Variants in IL17RD observed in about 807,000 individuals in gnomAD.
IL17RD encodes the protein interleukin 17 receptor D, also known as interleukin-17 receptor D.
Under a neutral mutation model 80.5 loss-of-function variants are expected in IL17RD, and 52 were observed. That is an observed-to-expected ratio of 0.65 (90% confidence interval 0.52 to 0.81). IL17RD has a LOEUF of 0.81. Among genes scored for constraint, IL17RD ranks in the 40% least tolerant of loss-of-function variants. IL17RD has a pLI of 0.00. For missense variants in IL17RD, 1,024 were observed against 955.1 expected (o/e 1.07, Z -0.95); for synonymous variants, 416 against 391.8 (o/e 1.06, Z -0.73).
chr3:57,138,744 T>C (rs1707775290), intron 1 of IL17RD, among the ~76,000 whole-genome samples: 1 of 151,928 alleles, frequency 6.6e-6, no homozygotes, highest in Non-Finnish European at 1.5e-5. Flanking sequence ...GAGACCAGCC[T>C]GACCAACATG....
In IL17RD at chr3:57,155,792, T is replaced by C. The variant is rs140006272; in HGVS notation, c.126+9369A>G. Among the ~76,000 whole-genome samples, 655 of 152,320 alleles carry C rather than the reference T, an allele frequency of 4.3e-3. 3 individuals are homozygous for C. The highest frequency in any genetic ancestry group is 0.014 in the African/African-American group (601 of 41,568). On this transcript the variant is annotated intron_variant, in intron 1 of 12. Coordinates refer to ENST00000296318, the MANE Select transcript of IL17RD (RefSeq NM_017563.5). Reference sequence around the variant, plus strand: ...TTTTAGTAGAGACAGGGTTTCACCATGTTGGCCAGGCTGGTCTTGAACTCC... The same window carrying C: ...TTTTAGTAGAGACAGGGTTTCACCACGTTGGCCAGGCTGGTCTTGAACTCC...
At position 57,095,175 on chromosome 3, in the gene IL17RD, G is replaced by A. The variant is rs1187476995; in HGVS notation, c.*1218C>T. 6.6e-6 allele frequency: 1 copy of A among 152,214 alleles called. No homozygotes were observed. Among genetic ancestry groups the A allele is most frequent in the Non-Finnish European group, 1.5e-5 (1 of 68,030 alleles). The allele number at this position is 152,214 out of a possible 1,614,324, so 9.4% of individuals were successfully genotyped here. ...AAAATCTAACAGCACCCATGAGAAA[G>A]GTAGTGAGAGATGTACACACCTGCT... On this transcript the variant is annotated 3_prime_UTR_variant, in exon 13 of 13. Coordinates refer to ENST00000296318, the MANE Select transcript of IL17RD (RefSeq NM_017563.5).
At chr3:57,147,791 C>T (rs1276104587) in intron 1 of IL17RD, among the ~76,000 whole-genome samples, 2 of 152,000 alleles carry the variant, frequency 1.3e-5, no homozygotes, top group Non-Finnish European at 2.9e-5. Flanking sequence ...TAAAAAATAA[C>T]CATAAATAAA....
At chr3:57,098,581 G>A in intron 11 of IL17RD, 43 bp from the exon 12 acceptor site, 2 of 1,355,078 alleles carry the variant, frequency 1.5e-6, no homozygotes, top group Non-Finnish European at 2.0e-6. Context: ...GAAGGCTCGG[G>A]AAGAGGCTCG....
chr3:57,157,738 G>T (rs2060278116), intron 1 of IL17RD, among the ~76,000 whole-genome samples: 1 of 152,160 alleles, frequency 6.6e-6, no homozygotes, highest in African/African-American at 2.4e-5. Flanking sequence ...AAATCACCCG[G>T]ACAGAATAAA....
chr3:57,116,069 G>A (rs1011231428), intron 2 of IL17RD, among the ~76,000 whole-genome samples: 1 of 152,072 alleles, frequency 6.6e-6, no homozygotes, highest in African/African-American at 2.4e-5. Context: ...ACCCTTCCAA[G>A]CCTTGTTTTA....
rs1473869488 is a variant in IL17RD, at chr3:57,134,607, C to G, written c.127-14294G>C. 11 of 980,776 alleles carry G rather than the reference C, an allele frequency of 1.1e-5. No homozygotes were observed. The East Asian group carries it at 2.4e-4, about 22-fold the overall frequency. The allele number at this position is 980,776 out of a possible 1,614,324, so 60.8% of individuals were successfully genotyped here. On this transcript the variant is annotated intron_variant, in intron 1 of 12. Coordinates refer to ENST00000296318, the MANE Select transcript of IL17RD (RefSeq NM_017563.5). ...GGCCCACAAGAAGCTGCAGGCTGAC[C>G]AGGCTAAGGCCCGCAGGTCTAAGAC... is the stretch of plus-strand genomic sequence containing the variant.
intron 1 of IL17RD, among the ~76,000 whole-genome samples, chr3:57,145,810 G>T (rs142944428): frequency 6.6e-6 from 1 of 152,210 alleles, no homozygotes; most frequent in East Asian, 1.9e-4. Context: ...CAGCCTTATG[G>T]GTCACCTGCC....
chr3:57,115,991 A>G (rs535312747), intron 2 of IL17RD, among the ~76,000 whole-genome samples: 4 of 152,322 alleles, frequency 2.6e-5, no homozygotes, highest in South Asian at 2.1e-4. Flanking sequence ...ACAAAAGACT[A>G]TAAGAAAAAT....
At chr3:57,103,896 G>T (rs891235063) in intron 8 of IL17RD, among the ~76,000 whole-genome samples, 2 of 151,874 alleles carry the variant, frequency 1.3e-5, no homozygotes, top group Non-Finnish European at 2.9e-5. Context: ...GAAGAGACGG[G>T]GTTTCACTGA....
chr3:57,164,764 C>T (rs1052649893), intron 1 of IL17RD, among the ~76,000 whole-genome samples: 16 of 152,170 alleles, frequency 1.1e-4, no homozygotes, highest in African/African-American at 3.6e-4. Context: ...CTTCCCTCTC[C>T]AAAGCGCAAC....
chr3:57,120,786 G>T (rs887162238), intron 1 of IL17RD, among the ~76,000 whole-genome samples: 1 of 152,126 alleles, frequency 6.6e-6, no homozygotes, highest in African/African-American at 2.4e-5. Context: ...TCAAGACTGG[G>T]AATGAGTATG....
In IL17RD at chr3:57,134,286, A is replaced by G. The variant is rs1346327831; in HGVS notation, c.127-13973T>C. On this transcript the variant is annotated intron_variant, in intron 1 of 12. Transcript: ENST00000296318. ...GAAGCTGATCAAAGATGGGCTGATC[A>G]TCTACAAACCTGTGACTTTCCATTC... 2.3e-5 allele frequency: 16 copies of G among 682,124 alleles called. No individual in the cohort carries two copies. The East Asian group carries it at 2.8e-4, about 12-fold the overall frequency. 42.3% of individuals were successfully genotyped at this position (682,124 alleles called of 1,614,324 possible). A position where few individuals can be genotyped will look rare whatever the true frequency, so the allele number is the denominator to read the frequency against.
intron 1 of IL17RD, among the ~76,000 whole-genome samples, chr3:57,162,517 G>A (rs2060312156): frequency 6.6e-6 from 1 of 152,162 alleles, no homozygotes; most frequent in Non-Finnish European, 1.5e-5. Context: ...CTGACTCCCT[G>A]ACAGAGCAAC....
intron 1 of IL17RD, among the ~76,000 whole-genome samples, chr3:57,124,558 G>A (rs73089799): frequency 0.095 from 14,440 of 152,166 alleles, 950 homozygotes; most frequent in South Asian, 0.14. Flanking sequence ...GAAAGCAGGC[G>A]GCCTCTGGAG....
chr3:57,146,036 C>CAT (rs61094060), intron 1 of IL17RD, among the ~76,000 whole-genome samples: 1 of 138,176 alleles, frequency 7.2e-6, no homozygotes, highest in Admixed American at 7.3e-5. Context: ...CACTCACGCG[C>CAT]GCGCGCGCGC....
At chr3:57,141,946 T>A (rs1707836697) in intron 1 of IL17RD, among the ~76,000 whole-genome samples, 1 of 152,052 alleles carries the variant, frequency 6.6e-6, no homozygotes, top group Non-Finnish European at 1.5e-5. Context: ...GGGCACTGCA[T>A]GGTAGAGGAA....
At chr3:57,134,346 TG>T in intron 1 of IL17RD, 2 of 693,250 alleles carry the variant, frequency 2.9e-6, no homozygotes, top group Non-Finnish European at 5.4e-6. Flanking sequence ...CTTGGCCCGC[TG>T]GAAGGGCAGG....
In IL17RD at chr3:57,134,705, G is replaced by A. The variant is rs907537083; in HGVS notation, c.127-14392C>T. ...AGATCATCAAGACTTTGTCTAAGGA[G>A]GAAGAGACCGAGAAGTGAAAGCTCC... On this transcript the variant is annotated intron_variant, in intron 1 of 12. Transcript: ENST00000296318. 8.7e-5 allele frequency: 60 copies of A among 688,474 alleles called. No homozygotes were observed. In the East Asian group the frequency reaches 1.7e-3, roughly 19 times the overall value. 42.6% of individuals were successfully genotyped at this position (688,474 alleles called of 1,614,324 possible).
Sources: allele counts gnomAD v4.1 joint callset (sites outside exome capture counted in the v4.1 genomes callset), GRCh38; gene constraint gnomAD v4.1.1; transcripts MANE v1.5; gene names NCBI Gene and HGNC (gene_info 2026-07-23, HGNC 2026-07-21).